The following FRMD4B variants were observed in gnomAD, a reference collection of about 807,000 sequenced individuals.
FRMD4B encodes FERM domain containing 4B.
A neutral mutation model predicts 141.5 loss-of-function variants in FRMD4B; 74 were observed. The observed-to-expected ratio is 0.52, with a 90% CI of 0.43 to 0.63. FRMD4B has a LOEUF of 0.63. Among genes scored for constraint, FRMD4B ranks in the 30% least tolerant of loss-of-function variants. The pLI, the probability that FRMD4B is intolerant of heterozygous loss-of-function variation, is 0.00. For synonymous variants in FRMD4B, 506 were observed against 467.9 expected (o/e 1.08, Z -1.05); for missense variants, 1,366 against 1,253.4 (o/e 1.09, Z -1.36).
chr3:69,172,135 T>C (rs2092594117), intron 22 of FRMD4B, among the ~76,000 whole-genome samples, 154 bp from the exon 23 acceptor site: 1 of 152,198 alleles, frequency 6.6e-6, no homozygotes, highest in Non-Finnish European at 1.5e-5. Flanking sequence ...TGACTGCATG[T>C]TCTTTCAATG....
intron 1 of FRMD4B, among the ~76,000 whole-genome samples, chr3:69,534,964 C>T (rs903847238): frequency 7.0e-6 from 1 of 143,756 alleles, no homozygotes; most frequent in Non-Finnish European, 1.5e-5. Flanking sequence ...CTAGCCTCCA[C>T]AAAGCACAAA....
intron 4 of FRMD4B, among the ~76,000 whole-genome samples, chr3:69,300,641 C>T (rs1049398772): frequency 6.6e-5 from 10 of 152,208 alleles, no homozygotes; most frequent in Non-Finnish European, 8.8e-5. Context: ...GAAGACATAA[C>T]GCTTTCATTG....
intron 2 of FRMD4B, among the ~76,000 whole-genome samples, chr3:69,430,675 C>G (rs1241355556): frequency 6.6e-6 from 1 of 152,138 alleles, no homozygotes; most frequent in African/African-American, 2.4e-5. Context: ...ACTGAAGAGA[C>G]AAATTAATTC....
intron 1 of FRMD4B, among the ~76,000 whole-genome samples, chr3:69,332,987 T>C (rs1314926217): frequency 6.6e-6 from 1 of 152,120 alleles, no homozygotes; most frequent in Non-Finnish European, 1.5e-5. Context: ...CCAGTTCCTG[T>C]ATGCAATGCT....
At chr3:69,225,517 TACAAAAAAAA>T (rs1361625661) in intron 7 of FRMD4B, among the ~76,000 whole-genome samples, 7 of 2,752 alleles carry the variant, frequency 2.5e-3, no homozygotes, top group Admixed American at 8.7e-3. Context: ...CTACTAAAAA[TACAAAAAAAA>T]AAAAAAAAAA....
chr3:69,383,593 T>A (rs900787364), intron 1 of FRMD4B, among the ~76,000 whole-genome samples: 9 of 152,262 alleles, frequency 5.9e-5, no homozygotes, highest in African/African-American at 2.2e-4. Context: ...GAGGTCTCCC[T>A]CTGTCACTTA....
intron 1 of FRMD4B, among the ~76,000 whole-genome samples, chr3:69,534,034 C>T (rs1472481986): frequency 6.6e-6 from 1 of 152,224 alleles, no homozygotes; most frequent in African/African-American, 2.4e-5. Flanking sequence ...GTTGGCATCA[C>T]CTGGAGCTTG....
chr3:69,212,057 G>A (rs542184827), intron 11 of FRMD4B, among the ~76,000 whole-genome samples: 1 of 151,400 alleles, frequency 6.6e-6, no homozygotes, highest in East Asian at 1.9e-4. Context: ...AGAAAGAGAA[G>A]GCAAGAAAGT....
At chr3:69,484,242 T>G (rs1417660811) in intron 1 of FRMD4B, among the ~76,000 whole-genome samples, 3 of 152,208 alleles carry the variant, frequency 2.0e-5, no homozygotes, top group African/African-American at 7.2e-5. Flanking sequence ...AAAGAAGTGG[T>G]CATAAGCCTC....
chr3:69,263,388 T>G (rs2093540519), intron 5 of FRMD4B, among the ~76,000 whole-genome samples: 1 of 147,316 alleles, frequency 6.8e-6, no homozygotes, highest in African/African-American at 2.5e-5. Context: ...GTTTGCTAGT[T>G]ACATGCACTT....
Position 69,308,754 on chromosome 3 carries a change from G to A in FRMD4B, c.323+2509C>T, listed in dbSNP as rs370193421. Among the ~76,000 whole-genome samples, 377 of 151,538 alleles carry A rather than the reference G, an allele frequency of 2.5e-3. 1 individual carries two copies. Among genetic ancestry groups the A allele is most frequent in the African/African-American group, 8.8e-3 (365 of 41,330 alleles). On this transcript the variant is annotated intron_variant, in intron 3 of 22. Transcript: ENST00000398540. ...TGTGCCCGGCCTTGTTTTTTTTCTCGCAAAAAACAAATCACAAAAGTCATG... is the reference window on the plus strand; with the variant it reads ...TGTGCCCGGCCTTGTTTTTTTTCTCACAAAAAACAAATCACAAAAGTCATG...
chr3:69,358,106 C>T (rs1433948433), intron 1 of FRMD4B, among the ~76,000 whole-genome samples: 1 of 152,210 alleles, frequency 6.6e-6, no homozygotes, highest in Non-Finnish European at 1.5e-5. Flanking sequence ...ACATTTCTTT[C>T]ACACACATGC....
At chr3:69,479,478 C>T (rs1174569986) in intron 1 of FRMD4B, among the ~76,000 whole-genome samples, 1 of 152,076 alleles carries the variant, frequency 6.6e-6, no homozygotes, top group Non-Finnish European at 1.5e-5. Flanking sequence ...CTTAGTTTGG[C>T]TAGATATGAA....
At chr3:69,267,614 TATATATATATATATATATATATAGAG>T (rs2093570648) in intron 5 of FRMD4B, among the ~76,000 whole-genome samples, 31 of 80,340 alleles carry the variant, frequency 3.9e-4, no homozygotes, top group African/African-American at 1.4e-3. Flanking sequence ...TATATATATA[TATATATATATATATATATATATAGAG>T]AGAGAGAGAG....
chr3:69,248,210 T>A (rs1371263425), intron 7 of FRMD4B, among the ~76,000 whole-genome samples: 1 of 151,994 alleles, frequency 6.6e-6, no homozygotes, highest in African/African-American at 2.4e-5. Context: ...ATTTTCATGA[T>A]TTCTTCAAAT....
At chr3:69,298,503 G>T (rs1270401870) in intron 4 of FRMD4B, among the ~76,000 whole-genome samples, 5 of 152,132 alleles carry the variant, frequency 3.3e-5, no homozygotes, top group African/African-American at 1.2e-4. Context: ...ATGCTCTCAA[G>T]CTCAAAACCC....
chr3:69,439,059 GTA>G (rs1271555554), intron 1 of FRMD4B, among the ~76,000 whole-genome samples: 23 of 47,732 alleles, frequency 4.8e-4, no homozygotes, highest in African/African-American at 4.0e-3. Context: ...GCGTGTGTGT[GTA>G]TGTGTGTGTG....
intron 1 of FRMD4B, among the ~76,000 whole-genome samples, chr3:69,484,557 A>G (rs753866461): frequency 1.3e-5 from 2 of 152,152 alleles, no homozygotes; most frequent in Non-Finnish European, 2.9e-5. Flanking sequence ...ATTAGCTCCT[A>G]TCTGTAGGCA....
chr3:69,421,798 T>G (rs563641348), intron 2 of FRMD4B, among the ~76,000 whole-genome samples: 78 of 152,322 alleles, frequency 5.1e-4, no homozygotes, highest in African/African-American at 1.9e-3. Flanking sequence ...AAAATTCTCT[T>G]GGATAGCCCT....
Sources: allele counts gnomAD v4.1 joint callset (sites outside exome capture counted in the v4.1 genomes callset), GRCh38; gene constraint gnomAD v4.1.1; transcripts MANE v1.5; gene names NCBI Gene and HGNC (gene_info 2026-07-23, HGNC 2026-07-21).